The following ZNF292 variants were observed in gnomAD, a reference collection of about 807,000 sequenced individuals.
ZNF292 encodes 16 zinc-finger domain protein.
A neutral mutation model predicts 217.9 loss-of-function variants in ZNF292; 26 were observed. The observed-to-expected ratio is 0.12, with a 90% CI of 0.09 to 0.17. The LOEUF (loss-of-function observed/expected upper bound fraction) is 0.17, where lower values mean the gene tolerates loss of function less well. ZNF292 is among the 10% of genes least tolerant of loss of function. ZNF292 has a pLI of 1.00. For missense variants in ZNF292, 2,904 were observed against 3,175.2 expected, an observed-to-expected ratio of 0.91 and a Z score of 2.05; for synonymous variants, 1,257 against 1,124.1, an observed-to-expected ratio of 1.12 and a Z score of -2.37.
intron 1 of ZNF292, among the ~76,000 whole-genome samples, chr6:87,192,691 C>T (rs942584289): frequency 5.3e-5 from 8 of 152,118 alleles, no homozygotes; most frequent in African/African-American, 1.7e-4. Context: ...TTATATACTT[C>T]GTTGCATTTA....
chr6:87,185,880 A>G (rs1771632238), intron 1 of ZNF292, among the ~76,000 whole-genome samples: 1 of 152,230 alleles, frequency 6.6e-6, no homozygotes, highest in African/African-American at 2.4e-5. Flanking sequence ...TATGGGGGAA[A>G]GGGGCTCAGG....
At chr6:87,234,075 T>C (rs986559924) in intron 5 of ZNF292, among the ~76,000 whole-genome samples, 1 of 152,230 alleles carries the variant, frequency 6.6e-6, no homozygotes, top group Non-Finnish European at 1.5e-5. Context: ...GTATAAAGCA[T>C]AGTATTCACA....
intron 7 of ZNF292, among the ~76,000 whole-genome samples, chr6:87,246,892 C>T (rs1480118502): frequency 2.0e-5 from 3 of 151,970 alleles, no homozygotes; most frequent in Non-Finnish European, 4.4e-5. Context: ...TGGTGGCTCA[C>T]GCCTGTAATC....
chr6:87,176,106 T>C (rs1771281882), intron 1 of ZNF292, among the ~76,000 whole-genome samples: 1 of 152,214 alleles, frequency 6.6e-6, no homozygotes, highest in Non-Finnish European at 1.5e-5. Context: ...AGAAAAAGTA[T>C]TAGCTTTTTC....
Position 87,256,053 on chromosome 6 carries a change from T to C in ZNF292, c.2424T>C (p.Thr808=). ...AAGCACAACATTATAATACGTACAC[T>C]TGTAAGTTCACAGGTTGTGGTAAAG... ...DHEAQHYNTY[T]CKFTGCGKVY... The change falls in exon 8 of 8, where the codon ACT becomes ACC. Residue 808 remains threonine, a synonymous_variant. Transcript: ENST00000369577. 6.2e-7 allele frequency: 1 copy of C among 1,610,914 alleles called. No homozygotes were observed. Among genetic ancestry groups the C allele is most frequent in the East Asian group, 2.2e-5 (1 of 44,824 alleles).
At chr6:87,157,241 C>T (rs118137207) in intron 1 of ZNF292, among the ~76,000 whole-genome samples, 67 of 152,216 alleles carry the variant, frequency 4.4e-4, no homozygotes, top group Non-Finnish European at 7.2e-4. Context: ...GTGAAAGCTC[C>T]CTACTTAGGT....
At chr6:87,207,552 A>G (rs759573415) in intron 1 of ZNF292, among the ~76,000 whole-genome samples, 7 of 152,208 alleles carry the variant, frequency 4.6e-5, no homozygotes, top group Non-Finnish European at 1.0e-4. Context: ...AATGTGAAAC[A>G]TATTCTTTAT....
Position 87,258,315 on chromosome 6 carries a change from G to T in ZNF292, c.4686G>T (p.Glu1562Asp), listed in dbSNP as rs1775353531. Residue 1562 changes from glutamate to aspartate, a missense_variant, in exon 8 of 8, where the codon GAG (glutamate) becomes GAT (aspartate). By Grantham distance (45) the Glu-to-Asp change is conservative. Coordinates refer to ENST00000369577, the MANE Select transcript of ZNF292 (RefSeq NM_015021.3). ...RTSNSKTSSI[E>D]ECSSLPVFPT... ...CAAACTCCAAAACTTCCTCCATTGAGGAATGTAGCAGCTTGCCTGTTTTTC... is the reference window on the plus strand; with the variant it reads ...CAAACTCCAAAACTTCCTCCATTGATGAATGTAGCAGCTTGCCTGTTTTTC... The T allele has an allele frequency of 1.9e-6, 3 of 1,613,400 alleles. No individual in the cohort carries two copies. The African/African-American group carries it at 4.0e-5, about 22-fold the overall frequency.
chr6:87,257,485 G>A lies in ZNF292; in HGVS notation c.3856G>A (p.Val1286Ile). Residue 1286 changes from valine (V) to isoleucine (I), a missense_variant, in exon 8 of 8, where the codon GTT (valine) becomes ATT (isoleucine). This residue lies in a region of ZNF292 where 687 missense variants were observed against 623.0 expected (regional missense o/e 1.10). Coordinates refer to ENST00000369577, the MANE Select transcript of ZNF292 (RefSeq NM_015021.3). Reference sequence around the variant, plus strand: ...ACCAGCAGATAGTGGGACTAATTCTGTTTTTTCCCAACTGGAAAATAATAC... The same window carrying A: ...ACCAGCAGATAGTGGGACTAATTCTATTTTTTCCCAACTGGAAAATAATAC... ...PSPADSGTNS[V>I]FSQLENNTNH... The A allele has an allele frequency of 6.2e-7, 1 of 1,612,292 alleles. No homozygotes were observed. The highest frequency in any genetic ancestry group is 1.3e-5 in the African/African-American group (1 of 74,972).
rs568258622 is a variant in ZNF292, at chr6:87,245,049, T to A, written c.879-454T>A. 2.4e-4 allele frequency among the ~76,000 whole-genome samples: 37 copies of A among 152,222 alleles called. No homozygotes were observed. In the East Asian group the frequency reaches 6.9e-3, roughly 29 times the overall value. ...TGAGGTCAGGAGTTTGAGACCAGCCTGGCCAACATGGTGAAACCCCATCTC... is the reference window on the plus strand; with the variant it reads ...TGAGGTCAGGAGTTTGAGACCAGCCAGGCCAACATGGTGAAACCCCATCTC... On this transcript the variant is annotated intron_variant, in intron 6 of 7. Coordinates refer to ENST00000369577, the MANE Select transcript of ZNF292 (RefSeq NM_015021.3).
At chr6:87,219,532 C>CCATG (rs1235025875) in intron 4 of ZNF292, among the ~76,000 whole-genome samples, 1 of 152,128 alleles carries the variant, frequency 6.6e-6, no homozygotes, top group Non-Finnish European at 1.5e-5. Context: ...GTTATGAAGG[C>CCATG]CATGAGAAGG....
In ZNF292 at chr6:87,259,353, C is replaced by T. The variant is rs1775428848; in HGVS notation, c.5724C>T (p.Gly1908=). The T allele has an allele frequency of 6.2e-7, 1 of 1,613,266 alleles. No homozygotes were observed. The highest frequency in any genetic ancestry group is 1.3e-5 in the African/African-American group (1 of 75,016). Residue 1908 remains glycine, a synonymous_variant, in exon 8 of 8, where the codon GGC becomes GGT. Transcript: ENST00000369577. ...VNKPFVCQNQ[G]CNYSAMTKDA... ...AACCCTTTGTGTGTCAAAACCAAGGCTGTAACTACAGTGCTATGACAAAGG... is the reference window on the plus strand; with the variant it reads ...AACCCTTTGTGTGTCAAAACCAAGGTTGTAACTACAGTGCTATGACAAAGG...
At chr6:87,200,358 C>G (rs2127788712) in intron 1 of ZNF292, among the ~76,000 whole-genome samples, 1 of 152,186 alleles carries the variant, frequency 6.6e-6, no homozygotes, top group African/African-American at 2.4e-5. Flanking sequence ...CAGAATTGTC[C>G]TTTTCAGAGT....
chr6:87,248,853 T>C (rs1774745936), intron 7 of ZNF292, among the ~76,000 whole-genome samples: 1 of 152,186 alleles, frequency 6.6e-6, no homozygotes, highest in Non-Finnish European at 1.5e-5. Flanking sequence ...AAAGAGACCA[T>C]GGTGGGCCAG....
At chr6:87,164,577 T>C (rs1360318114) in intron 1 of ZNF292, among the ~76,000 whole-genome samples, 3 of 152,096 alleles carry the variant, frequency 2.0e-5, no homozygotes, top group Admixed American at 2.0e-4. Flanking sequence ...ACACATTTAA[T>C]TTTTTTCCTT....
Position 87,258,257 on chromosome 6 carries a change from C to T in ZNF292, c.4628C>T (p.Pro1543Leu), listed in dbSNP as rs1482725646. The T allele has an allele frequency of 3.7e-6, 6 of 1,613,056 alleles. No homozygotes were observed. Among genetic ancestry groups the T allele is most frequent in the Non-Finnish European group, 5.1e-6 (6 of 1,179,596 alleles). Residue 1543 changes from proline to leucine, a missense_variant, in exon 8 of 8, where the codon CCA (proline) becomes CTA (leucine). Physicochemically the swap from Pro to Leu is moderately conservative, Grantham distance 98. This residue lies in a region of ZNF292 where 622 missense variants were observed against 573.1 expected (regional missense o/e 1.09). Coordinates refer to ENST00000369577, the MANE Select transcript of ZNF292 (RefSeq NM_015021.3). Reference protein sequence around the residue: ...VPPLLHTVCHPNTLLTNQNRT... With the variant: ...VPPLLHTVCHLNTLLTNQNRT... ...CCCCTGTTGCACACTGTATGCCATC[C>T]AAACACCTTGCTGACCAACCAGAAT...
chr6:87,227,892 G>A (rs549114923), intron 4 of ZNF292, among the ~76,000 whole-genome samples: 3 of 152,296 alleles, frequency 2.0e-5, no homozygotes, highest in African/African-American at 7.2e-5. Flanking sequence ...TGTGAGTAGT[G>A]CTACTATAAA....
intron 6 of ZNF292, among the ~76,000 whole-genome samples, chr6:87,245,276 G>A (rs1774514062): frequency 6.6e-6 from 1 of 152,082 alleles, no homozygotes; most frequent in Admixed American, 6.5e-5. Context: ...GTAGAAGGTA[G>A]TGCTTCTCTG....
chr6:87,182,203 G>A (rs183225746), intron 1 of ZNF292, among the ~76,000 whole-genome samples: 49 of 152,322 alleles, frequency 3.2e-4, no homozygotes, highest in African/African-American at 1.1e-3. Flanking sequence ...CTATGCAGGA[G>A]TAGCCCTTCA....
Sources: allele counts gnomAD v4.1 joint callset (sites outside exome capture counted in the v4.1 genomes callset), GRCh38; gene constraint gnomAD v4.1.1; regional missense constraint gnomAD v4.1.1; transcripts MANE v1.5; gene names NCBI Gene and HGNC (gene_info 2026-07-23, HGNC 2026-07-21).